COPE: variants seen among roughly 807,000 people sequenced by gnomAD.
The protein encoded by COPE is coat protein complex I subunit epsilon.
COPE carries 19 observed loss-of-function variants against 42.1 expected under a neutral mutation model. The ratio of observed to expected loss-of-function variants is 0.45; its 90% confidence interval spans 0.31 to 0.66. COPE has a LOEUF of 0.66. Ranked by LOEUF, COPE falls within the 30% of genes least tolerant of loss-of-function variation. The pLI, the probability that COPE is intolerant of heterozygous loss-of-function variation, is 0.05. For synonymous variants in COPE, 195 were observed against 181.3 expected, an observed-to-expected ratio of 1.08 and a Z score of -0.60; for missense variants, 402 against 416.1, an observed-to-expected ratio of 0.97 and a Z score of 0.30.
In COPE at chr19:18,914,465, C is replaced by T. The variant is rs541028723; in HGVS notation, c.127-1419G>A. Among the ~76,000 whole-genome samples the T allele has an allele frequency of 8.6e-5, 13 of 152,004 alleles. No individual in the cohort carries two copies. In the South Asian group the frequency reaches 1.5e-3, roughly 17 times the overall value. On this transcript the variant is annotated intron_variant, in intron 1 of 9. Transcript: ENST00000262812. ...CTGAGGCAAGAGAATCACTTGAACC[C>T]GGGAGATAGAGGCTGTAGTAAGCCG...
At chr19:18,902,912 GCA>G (rs1241814668) in intron 7 of COPE, among the ~76,000 whole-genome samples, 2 of 151,698 alleles carry the variant, frequency 1.3e-5, no homozygotes, top group Non-Finnish European at 2.9e-5. Context: ...CCTGTCCACA[GCA>G]CACTCTCCCC....
intron 3 of COPE, among the ~76,000 whole-genome samples, chr19:18,907,800 T>C (rs777870133): frequency 7.2e-5 from 11 of 152,284 alleles, no homozygotes; most frequent in Non-Finnish European, 1.3e-4. Flanking sequence ...TCTTCTGGGT[T>C]CAAACGTGGC....
chr19:18,907,355 G>A (rs775110083), intron 3 of COPE, among the ~76,000 whole-genome samples: 1 of 152,160 alleles, frequency 6.6e-6, no homozygotes, highest in Non-Finnish European at 1.5e-5. Context: ...GCTCCAAGGG[G>A]ACATGAGGAG....
chr19:18,912,181 A>G (rs1199491331), intron 2 of COPE, among the ~76,000 whole-genome samples: 1 of 149,494 alleles, frequency 6.7e-6, no homozygotes, highest in Non-Finnish European at 1.5e-5. Context: ...AGGTCTTGCT[A>G]TGTTGTCCAG....
chr19:18,913,470 A>C (rs2056829018), intron 1 of COPE, among the ~76,000 whole-genome samples: 1 of 152,184 alleles, frequency 6.6e-6, no homozygotes, highest in South Asian at 2.1e-4. Flanking sequence ...GACCCTGGGA[A>C]TGGCTCTGTA....
intron 1 of COPE, among the ~76,000 whole-genome samples, chr19:18,916,517 C>T (rs1325708466): frequency 6.6e-6 from 1 of 151,730 alleles, no homozygotes; most frequent in African/African-American, 2.4e-5. Flanking sequence ...AGGCCAGGAA[C>T]GGTAACTCAT....
chr19:18,908,438 A>G (rs902872695), intron 3 of COPE, among the ~76,000 whole-genome samples: 1 of 151,930 alleles, frequency 6.6e-6, no homozygotes, highest in Non-Finnish European at 1.5e-5. Context: ...AACAAGCAAC[A>G]GCAACAAAAT....
At chr19:18,907,753 G>A (rs1369169809) in intron 3 of COPE, among the ~76,000 whole-genome samples, 2 of 152,234 alleles carry the variant, frequency 1.3e-5, no homozygotes, top group African/African-American at 4.8e-5. Flanking sequence ...AAAAAGAGAA[G>A]GCAGGTGAGG....
chr19:18,915,698 G>A (rs1172292316), intron 1 of COPE, among the ~76,000 whole-genome samples: 2 of 152,232 alleles, frequency 1.3e-5, no homozygotes, highest in Non-Finnish European at 2.9e-5. Flanking sequence ...GGGAAGGCGG[G>A]TGACAGGATG....
chr19:18,905,272 C>T (rs951170072), intron 5 of COPE, among the ~76,000 whole-genome samples: 2 of 152,188 alleles, frequency 1.3e-5, no homozygotes, highest in African/African-American at 4.8e-5. Flanking sequence ...GGCACAGTTA[C>T]AAGCTGGTCA....
At chr19:18,918,276 CGAAGAGACACA>C (rs912924612) in intron 1 of COPE, among the ~76,000 whole-genome samples, 2 of 151,378 alleles carry the variant, frequency 1.3e-5, no homozygotes, top group Non-Finnish European at 2.9e-5. Flanking sequence ...ATAAGCACAA[CGAAGAGACACA>C]GAAGCAGTTC....
intron 7 of COPE, among the ~76,000 whole-genome samples, chr19:18,902,996 G>A (rs78538455): frequency 0.016 from 2,373 of 151,720 alleles, 71 homozygotes; most frequent in African/African-American, 0.054. Flanking sequence ...TGCAGGTCCC[G>A]GGCCAGGCAG....
intron 1 of COPE, among the ~76,000 whole-genome samples, chr19:18,917,471 C>G (rs2145087812): frequency 6.6e-6 from 1 of 151,974 alleles, no homozygotes; most frequent in Admixed American, 6.6e-5. Flanking sequence ...TGGGTTCAAA[C>G]GATTCTCCTG....
chr19:18,903,297 C>T lies in COPE; in HGVS notation c.706G>A (p.Glu236Lys), dbSNP rs1208951402. 2 of 1,606,648 alleles carry T rather than the reference C, an allele frequency of 1.2e-6. No individual in the cohort carries two copies. The highest frequency in any genetic ancestry group is 3.4e-5 in the Admixed American group (2 of 58,936). ...TCTAGCGCCTCCTGCAGCAGGCCCT[C>T]AGCGGCCTCCCAGCGGCCCTGGGCC... ...HMAQGRWEAA[E>K]GLLQEALDKD... Residue 236 changes from glutamate to lysine, a missense_variant, in exon 7 of 10, where the codon GAG (glutamate) becomes AAG (lysine). Glu to Lys is a moderately conservative substitution (Grantham distance 56). Coordinates refer to ENST00000262812, the MANE Select transcript of COPE (RefSeq NM_007263.4).
chr19:18,900,033 A>C, intron 8 of COPE, 86 bp from the exon 9 acceptor site: 2 of 1,188,428 alleles, frequency 1.7e-6, no homozygotes, highest in Non-Finnish European at 2.4e-6. Context: ...GATTGGGGTG[A>C]GAGCCACAGT....
In COPE at chr19:18,904,841, T is replaced by C. The variant is rs946713207; in HGVS notation, c.509A>G (p.Lys170Arg). The change falls in exon 6 of 10, where the codon AAG becomes AGG. Residue 170 changes from lysine (K) to arginine (R), a missense_variant. Physicochemically the swap from Lys to Arg is conservative, Grantham distance 26. Coordinates refer to ENST00000262812, the MANE Select transcript of COPE (RefSeq NM_007263.4). ...DRLDLARKELKRMQDLDEDAT... is the reference protein window; with the variant it reads ...DRLDLARKELRRMQDLDEDAT... The stretch of plus-strand genomic sequence containing the variant: ...ATCCTCGTCCAGGTCCTGCATTCTC[T>C]TCAGCTCCTTCCTGGGGCGGGGACA... 1 of 1,554,094 alleles carries C rather than the reference T, an allele frequency of 6.4e-7. No homozygotes were observed. The highest frequency in any genetic ancestry group is 8.7e-7 in the Non-Finnish European group (1 of 1,148,470).
At chr19:18,908,237 T>C (rs2056778804) in intron 3 of COPE, among the ~76,000 whole-genome samples, 1 of 152,126 alleles carries the variant, frequency 6.6e-6, no homozygotes. Context: ...AAGACCACCC[T>C]GGGCAACATA....
chr19:18,908,258 T>C (rs1200753056), intron 3 of COPE, among the ~76,000 whole-genome samples: 3 of 151,126 alleles, frequency 2.0e-5, no homozygotes, highest in African/African-American at 7.3e-5. Context: ...GTAGGACCCC[T>C]TTTTCTACAA....
Position 18,902,684 on chromosome 19 carries a change from AAAGGAAAGG to A in COPE, c.735+575_735+583del, listed in dbSNP as rs1231346679. Among the ~76,000 whole-genome samples, 358 of 84,192 alleles carry A rather than the reference AAAGGAAAGG, an allele frequency of 4.3e-3. 13 individuals are homozygous for A. The highest frequency in any genetic ancestry group is 6.1e-3 in the Non-Finnish European group (270 of 44,254). 55.2% of individuals were successfully genotyped at this position (84,192 alleles called of 152,430 possible). The stretch of plus-strand genomic sequence containing the variant: ...CATCTCAAAAAAAAAAAAAAAGAAG[AAAGGAAAGG>A]AAGGAAAGGAAGGAAAGGAAGGAAA... On this transcript the variant is annotated intron_variant, in intron 7 of 9. Coordinates refer to ENST00000262812, the MANE Select transcript of COPE (RefSeq NM_007263.4).
Sources: allele counts gnomAD v4.1 joint callset (sites outside exome capture counted in the v4.1 genomes callset), GRCh38; gene constraint gnomAD v4.1.1; transcripts MANE v1.5; gene names NCBI Gene and HGNC (gene_info 2026-07-23, HGNC 2026-07-21).